The following CDH1 variants were observed in gnomAD, a reference collection of about 807,000 sequenced individuals.
CDH1 encodes cadherin-1.
A neutral mutation model predicts 84.5 loss-of-function variants in CDH1; 35 were observed. That is an observed-to-expected ratio of 0.41 (90% CI 0.32 to 0.55). CDH1 has a LOEUF of 0.55. Among genes scored for constraint, CDH1 ranks in the 20% least tolerant of loss-of-function variants. The pLI is 0.19. For synonymous variants in CDH1, 417 were observed against 439.0 expected, an observed-to-expected ratio of 0.95 and a Z score of 0.63; for missense variants, 994 against 1,126.6, an observed-to-expected ratio of 0.88 and a Z score of 1.68.
chr16:68,802,095 C>A (rs1333827842), intron 3 of CDH1, among the ~76,000 whole-genome samples: 1 of 152,234 alleles, frequency 6.6e-6, no homozygotes, highest in Non-Finnish European at 1.5e-5. Context: ...GTTATGACAA[C>A]CCAAAGTATC....
At position 68,833,340 on chromosome 16, in the gene CDH1, G is replaced by C. The variant is rs754360330; in HGVS notation, c.2490G>C (p.Leu830=). The change falls in exon 16 of 16, where the codon CTG becomes CTC. Residue 830 remains leucine, a synonymous_variant. Coordinates refer to ENST00000261769, the MANE Select transcript of CDH1 (RefSeq NM_004360.5). ...CCACAGCCCCGCCTTATGATTCTCT[G>C]CTCGTGTTTGACTATGAAGGAAGCG... ...TDPTAPPYDS[L]LVFDYEGSGS... is the part of the protein sequence containing the mutation. 1 of 1,614,176 alleles carries C rather than the reference G, an allele frequency of 6.2e-7. No homozygotes were observed. Among genetic ancestry groups the C allele is most frequent in the South Asian group, 1.1e-5 (1 of 91,086 alleles).
At chr16:68,829,400 A>G (rs1364727440) in intron 14 of CDH1, among the ~76,000 whole-genome samples, 5 of 152,208 alleles carry the variant, frequency 3.3e-5, no homozygotes, top group South Asian at 2.1e-4. Flanking sequence ...ATCATGTCCT[A>G]TGAAAATTAG....
chr16:68,772,683 C>T (rs4783682), intron 2 of CDH1, among the ~76,000 whole-genome samples: 46,039 of 152,054 alleles, frequency 0.3, 8,474 homozygotes, highest in East Asian at 0.44. Flanking sequence ...GCCTGTAATC[C>T]CAGTACTTTG....
At chr16:68,806,693 G>C (rs1293631255) in intron 3 of CDH1, among the ~76,000 whole-genome samples, 1 of 152,148 alleles carries the variant, frequency 6.6e-6, no homozygotes, top group Non-Finnish European at 1.5e-5. Context: ...TCAGACATTA[G>C]GAAGCTGTAA....
intron 3 of CDH1, among the ~76,000 whole-genome samples, chr16:68,805,823 C>T (rs1960639912): frequency 6.6e-6 from 1 of 152,178 alleles, no homozygotes. Flanking sequence ...TTGAGCTCAC[C>T]TCAGGTGATC....
chr16:68,772,482 G>A (rs151054894), intron 2 of CDH1, among the ~76,000 whole-genome samples: 1,607 of 152,322 alleles, frequency 0.011, 11 homozygotes, highest in Non-Finnish European at 0.018. Flanking sequence ...TACATTCAGA[G>A]CGAGAGAACA....
chr16:68,803,916 CCCTTT>C (rs1960580429), intron 3 of CDH1, among the ~76,000 whole-genome samples: 3 of 152,044 alleles, frequency 2.0e-5, no homozygotes, highest in Admixed American at 6.6e-5. Context: ...CCCAGGTTCC[CCCTTT>C]CCTTTTTGCT....
At chr16:68,822,861 C>T (rs1368478729) in intron 12 of CDH1, 1 of 227,548 alleles carries the variant, frequency 4.4e-6, no homozygotes, top group Admixed American at 5.2e-5. Flanking sequence ...TGGGGTAAAA[C>T]CCTGGGTGCG....
intron 13 of CDH1, 105 bp downstream of exon 13, chr16:68,823,731 C>T (rs1233926303): frequency 2.6e-6 from 2 of 769,066 alleles, no homozygotes; most frequent in African/African-American, 3.5e-5. Flanking sequence ...TATAGGTTAG[C>T]TGATGTGGGA....
At chr16:68,824,243 C>G (rs532017744) in intron 13 of CDH1, among the ~76,000 whole-genome samples, 4 of 152,104 alleles carry the variant, frequency 2.6e-5, no homozygotes, top group Admixed American at 2.6e-4. Flanking sequence ...GTGATCCACC[C>G]GCCTCAGCCT....
At chr16:68,793,792 TGAGGCAGGAGAATCCCTCGAACCCGG>T (rs901156645) in intron 2 of CDH1, among the ~76,000 whole-genome samples, 3 of 152,108 alleles carry the variant, frequency 2.0e-5, no homozygotes, top group African/African-American at 7.2e-5. Context: ...CTTGGGAGGC[TGAGGCAGGAGAATCCCTCGAACCCGG>T]GAGGCAGGAG....
At chr16:68,781,186 G>A (rs1268051663) in intron 2 of CDH1, among the ~76,000 whole-genome samples, 1 of 152,220 alleles carries the variant, frequency 6.6e-6, no homozygotes, top group Non-Finnish European at 1.5e-5. Flanking sequence ...CACACAGGAG[G>A]CCTGACATTA....
chr16:68,800,738 C>G (rs34319417), intron 2 of CDH1, among the ~76,000 whole-genome samples: 2,486 of 152,310 alleles, frequency 0.016, 70 homozygotes, highest in African/African-American at 0.055. Context: ...CAGGTCCCAG[C>G]TCAGATGGGC....
chr16:68,824,000 T>C (rs1961250058), intron 13 of CDH1, among the ~76,000 whole-genome samples: 1 of 146,730 alleles, frequency 6.8e-6, no homozygotes, highest in Admixed American at 6.7e-5. Context: ...TTCTTTTTTT[T>C]TTTTTTTTTT....
chr16:68,812,335 G>C (rs778640744), intron 8 of CDH1, 72 bp downstream of exon 8: 19 of 1,501,544 alleles, frequency 1.3e-5, no homozygotes, highest in Non-Finnish European at 1.8e-5. Flanking sequence ...TGTCACCACT[G>C]CTCATGGGCG....
At chr16:68,806,135 T>C (rs1960652273) in intron 3 of CDH1, among the ~76,000 whole-genome samples, 1 of 31,594 alleles carries the variant, frequency 3.2e-5, no homozygotes, top group African/African-American at 8.4e-5. Context: ...TTTATTTATT[T>C]ATTTATTTAT....
At chr16:68,754,712 G>A (rs1436514368) in intron 2 of CDH1, among the ~76,000 whole-genome samples, 1 of 152,186 alleles carries the variant, frequency 6.6e-6, no homozygotes, top group Admixed American at 6.5e-5. Flanking sequence ...AGAGGTATTT[G>A]TCTGTCCATT....
chr16:68,813,969 G>A (rs1030996059), intron 9 of CDH1, among the ~76,000 whole-genome samples: 2 of 152,012 alleles, frequency 1.3e-5, no homozygotes, highest in African/African-American at 4.8e-5. Flanking sequence ...GGGCGTGGTG[G>A]CTCACGCCTG....
At chr16:68,824,051 G>A (rs772445848) in intron 13 of CDH1, among the ~76,000 whole-genome samples, 3 of 143,710 alleles carry the variant, frequency 2.1e-5, no homozygotes, top group African/African-American at 5.2e-5. Flanking sequence ...AGGCTGGAGT[G>A]CAATGGTGTG....
Sources: allele counts gnomAD v4.1 joint callset (sites outside exome capture counted in the v4.1 genomes callset), GRCh38; gene constraint gnomAD v4.1.1; transcripts MANE v1.5; gene names NCBI Gene and HGNC (gene_info 2026-07-23, HGNC 2026-07-21).